The following CACNA2D3 variants were observed in gnomAD, a reference collection of about 807,000 sequenced individuals.
CACNA2D3 encodes voltage-dependent calcium channel subunit alpha-2/delta-3.
CACNA2D3 carries 60 observed loss-of-function variants against 160.6 expected under a neutral mutation model. That is an observed-to-expected ratio of 0.37 (90% confidence interval 0.30 to 0.46). The LOEUF is 0.46. Among genes scored for constraint, CACNA2D3 ranks in the 20% least tolerant of loss-of-function variants. The pLI, the probability that CACNA2D3 is intolerant of heterozygous loss-of-function variation, is 1.00. For synonymous variants in CACNA2D3, 558 were observed against 492.9 expected, an observed-to-expected ratio of 1.13 and a Z score of -1.75; for missense variants, 1,205 against 1,365.0, an observed-to-expected ratio of 0.88 and a Z score of 1.85.
In CACNA2D3 at chr3:54,964,348, C is replaced by T. The variant is rs371409018; in HGVS notation, c.2450-4102C>T. Among the ~76,000 whole-genome samples the T allele has an allele frequency of 1.5e-4, 23 of 152,044 alleles. No homozygotes were observed. In the East Asian group the frequency reaches 1.7e-3, roughly 12 times the overall value. On this transcript the variant is annotated intron_variant, in intron 27 of 37. Coordinates refer to ENST00000474759, the MANE Select transcript of CACNA2D3 (RefSeq NM_018398.3). The stretch of plus-strand genomic sequence containing the variant: ...TTGAAGTAAGGAGCACTGTGACCTC[C>T]GGGGAAATATGTTGATGATTTTCTG...
intron 30 of CACNA2D3, among the ~76,000 whole-genome samples, chr3:54,985,183 G>C (rs1290490720): frequency 6.6e-6 from 1 of 152,172 alleles, no homozygotes; most frequent in African/African-American, 2.4e-5. Context: ...AACACCGAGG[G>C]ACAAGGGTCC....
chr3:54,191,287 C>T (rs1255718520), intron 2 of CACNA2D3, among the ~76,000 whole-genome samples: 10 of 152,124 alleles, frequency 6.6e-5, no homozygotes, highest in Admixed American at 6.5e-4. Flanking sequence ...ATGTAATCTT[C>T]AGTGGTTTTT....
At chr3:54,348,230 A>G (rs1034258978) in intron 3 of CACNA2D3, among the ~76,000 whole-genome samples, 1 of 152,172 alleles carries the variant, frequency 6.6e-6, no homozygotes, top group African/African-American at 2.4e-5. Flanking sequence ...AACATAGTCA[A>G]TTATCATTCT....
chr3:54,323,602 G>A (rs912879355), intron 3 of CACNA2D3, among the ~76,000 whole-genome samples: 1 of 151,988 alleles, frequency 6.6e-6, no homozygotes, highest in Non-Finnish European at 1.5e-5. Flanking sequence ...CAGTAGCTGG[G>A]ACTACAGGCA....
chr3:54,123,634 G>T, intron 2 of CACNA2D3, 40 bp downstream of exon 2: 1 of 1,537,434 alleles, frequency 6.5e-7, no homozygotes, highest in African/African-American at 1.4e-5. Context: ...GATTTTTCCG[G>T]CACAGAAAAT....
At chr3:54,569,194 A>T (rs1383090708) in intron 6 of CACNA2D3, among the ~76,000 whole-genome samples, 2 of 151,986 alleles carry the variant, frequency 1.3e-5, no homozygotes, top group Admixed American at 1.3e-4. Context: ...CATGGGGAAA[A>T]CTCCCCAGGC....
chr3:54,565,918 C>A lies in CACNA2D3; in HGVS notation c.676+2987C>A, dbSNP rs148729112. On this transcript the variant is annotated intron_variant, in intron 6 of 37. Transcript: ENST00000474759. ...CTGTCTCCTCTACTATAATATTTGCCCCTGGGAGGAGTCATTTGTTTTGTC... is the reference window on the plus strand; with the variant it reads ...CTGTCTCCTCTACTATAATATTTGCACCTGGGAGGAGTCATTTGTTTTGTC... 1.5e-3 allele frequency among the ~76,000 whole-genome samples: 227 copies of A among 152,300 alleles called. No homozygotes were observed. The Middle Eastern group carries it at 0.017, about 11-fold the overall frequency.
intron 5 of CACNA2D3, among the ~76,000 whole-genome samples, chr3:54,508,717 C>T (rs1296895844): frequency 6.6e-6 from 1 of 152,308 alleles, no homozygotes; most frequent in South Asian, 2.1e-4. Flanking sequence ...AATTGCAGGA[C>T]ACAGGCTAGA....
chr3:54,310,904 A>G (rs1703724884), intron 2 of CACNA2D3, among the ~76,000 whole-genome samples: 1 of 152,186 alleles, frequency 6.6e-6, no homozygotes, highest in South Asian at 2.1e-4. Flanking sequence ...GAGGCTGATC[A>G]ACTTGTTACG....
chr3:54,621,358 A>G (rs1228741277), intron 9 of CACNA2D3, among the ~76,000 whole-genome samples: 2 of 152,200 alleles, frequency 1.3e-5, no homozygotes, highest in Admixed American at 1.3e-4. Flanking sequence ...TGTTTGTCAG[A>G]GATAAGCGGA....
chr3:54,872,976 A>C (rs1206186426), intron 18 of CACNA2D3, among the ~76,000 whole-genome samples: 1 of 152,012 alleles, frequency 6.6e-6, no homozygotes, highest in Non-Finnish European at 1.5e-5. Flanking sequence ...AATTGTGAGG[A>C]GTGCCACTCA....
chr3:54,387,905 A>G (rs949805914), intron 4 of CACNA2D3, among the ~76,000 whole-genome samples: 4 of 152,168 alleles, frequency 2.6e-5, no homozygotes, highest in African/African-American at 9.7e-5. Context: ...GCAGACATAA[A>G]TCATTAAGCA....
At chr3:54,394,368 A>C in intron 4 of CACNA2D3, among the ~76,000 whole-genome samples, 1 of 147,456 alleles carries the variant, frequency 6.8e-6, no homozygotes, top group Non-Finnish European at 1.5e-5. Flanking sequence ...ACATGTGCAC[A>C]TTGTGCAGGT....
At chr3:54,705,669 T>C (rs535023077) in intron 11 of CACNA2D3, among the ~76,000 whole-genome samples, 19 of 152,338 alleles carry the variant, frequency 1.2e-4, no homozygotes, top group Admixed American at 3.9e-4. Flanking sequence ...GGCCTCCCAA[T>C]GTTCCTATAA....
chr3:54,813,025 C>T (rs1703359917), intron 13 of CACNA2D3, among the ~76,000 whole-genome samples: 1 of 152,184 alleles, frequency 6.6e-6, no homozygotes, highest in Admixed American at 6.5e-5. Context: ...TCCTTCATCC[C>T]CTTCTGAATA....
At chr3:54,926,689 G>A (rs1701030762) in intron 27 of CACNA2D3, among the ~76,000 whole-genome samples, 1 of 152,122 alleles carries the variant, frequency 6.6e-6, no homozygotes, top group African/African-American at 2.4e-5. Context: ...CCTTTTAACT[G>A]TTGTAGCATA....
At chr3:54,797,385 A>C in intron 13 of CACNA2D3, among the ~76,000 whole-genome samples, 1 of 152,164 alleles carries the variant, frequency 6.6e-6, no homozygotes, top group East Asian at 1.9e-4. Flanking sequence ...CTCCTATTGT[A>C]CAATTTCAGT....
chr3:54,335,815 C>G (rs950564138), intron 3 of CACNA2D3, among the ~76,000 whole-genome samples: 5 of 151,610 alleles, frequency 3.3e-5, no homozygotes, highest in African/African-American at 1.2e-4. Context: ...ACCATCCTGG[C>G]CAGAATGGTG....
chr3:55,033,921 A>G (rs1703758863), intron 35 of CACNA2D3, among the ~76,000 whole-genome samples: 1 of 142,092 alleles, frequency 7.0e-6, no homozygotes. Context: ...AAATACATAT[A>G]TATTTAAGGT....
Sources: gnomAD v4.1 joint callset for allele counts (sites outside exome capture counted in the v4.1 genomes callset) on GRCh38, gnomAD v4.1.1 for gene constraint, MANE v1.5 for transcripts, NCBI Gene and HGNC (gene_info 2026-07-23, HGNC 2026-07-21) for gene names.